The following GPA33 variants were observed in gnomAD, a reference collection of about 807,000 sequenced individuals.
The protein encoded by GPA33 is glycoprotein A33, also known as cell surface A33 antigen.
GPA33 carries 27 observed loss-of-function variants against 35.6 expected under a neutral mutation model. The ratio of observed to expected loss-of-function variants is 0.76; its 90% CI spans 0.56 to 1.04. The LOEUF is 1.04. Among genes scored for constraint, GPA33 ranks in the 50% least tolerant of loss-of-function variants. The pLI, the probability that GPA33 is intolerant of heterozygous loss-of-function variation, is 0.00. For missense variants in GPA33, 428 were observed against 411.9 expected (o/e 1.04, Z -0.34); for synonymous variants, 176 against 164.0 (o/e 1.07, Z -0.56).
In GPA33 at chr1:167,055,740, G is replaced by A. The variant is rs200023773; in HGVS notation, c.681C>T (p.Ala227=). The A allele has an allele frequency of 1.3e-5, 21 of 1,613,984 alleles. No individual in the cohort carries two copies. The highest frequency in any genetic ancestry group is 1.7e-4 in the Middle Eastern group (1 of 6,000). Reference sequence around the variant, plus strand: ...GCAGGCTGCTCTTACGAGATCTGACGGCCACCGTGATGTTGCAGAACTGCG... The same window carrying A: ...GCAGGCTGCTCTTACGAGATCTGACAGCCACCGTGATGTTGCAGAACTGCG... ...EGTQFCNITV[A]VRSPSMNVAL... The change falls in exon 5 of 7, where the codon GCC becomes GCT. Residue 227 remains alanine (A), a synonymous_variant. Transcript: ENST00000367868.
In GPA33 at chr1:167,063,582, C is replaced by G; in HGVS notation, c.571G>C (p.Ala191Pro). 1.2e-6 allele frequency: 2 copies of G among 1,601,634 alleles called. No homozygotes were observed. Among genetic ancestry groups the G allele is most frequent in the Non-Finnish European group, 1.7e-6 (2 of 1,172,170 alleles). The change falls in exon 4 of 7, where the codon GCC (alanine) becomes CCC (proline). Residue 191 changes from alanine to proline, a missense_variant and splice_region_variant. By Grantham distance (27) the Ala-to-Pro change is conservative. Transcript: ENST00000367868. ...LNQEQPLAQP[A>P]SGQPVSLKNI... Reference sequence around the variant, plus strand: ...CCCGCCTTCCCTACTGCCCCCTTACCTGGCTGGGCCAGGGGCTGCTCCTGA... The same window carrying G: ...CCCGCCTTCCCTACTGCCCCCTTACGTGGCTGGGCCAGGGGCTGCTCCTGA...
chr1:167,084,948 TGA>T (rs1019120800), intron 1 of GPA33, among the ~76,000 whole-genome samples: 2 of 152,234 alleles, frequency 1.3e-5, no homozygotes, highest in African/African-American at 4.8e-5. Context: ...TGTCATTTAT[TGA>T]GAGAGAGCTC....
At chr1:167,079,903 T>G (rs1666892454) in intron 1 of GPA33, among the ~76,000 whole-genome samples, 2 of 152,206 alleles carry the variant, frequency 1.3e-5, no homozygotes, top group African/African-American at 4.8e-5. Context: ...TAGCACTGCA[T>G]CCCTCATTTT....
intron 4 of GPA33, among the ~76,000 whole-genome samples, chr1:167,063,323 C>T (rs999625466): frequency 2.0e-5 from 3 of 152,144 alleles, no homozygotes; most frequent in African/African-American, 7.2e-5. Flanking sequence ...GCAGAAGAAT[C>T]GCTTGAACCT....
At chr1:167,072,836 TG>T (rs1244210490) in intron 2 of GPA33, among the ~76,000 whole-genome samples, 1 of 151,772 alleles carries the variant, frequency 6.6e-6, no homozygotes, top group African/African-American at 2.4e-5. Flanking sequence ...CATATATCCA[TG>T]CTCGTATATG....
intron 2 of GPA33, among the ~76,000 whole-genome samples, chr1:167,070,587 G>A (rs982451338): frequency 6.6e-6 from 1 of 152,124 alleles, no homozygotes; most frequent in Non-Finnish European, 1.5e-5. Flanking sequence ...TCGTGTATAT[G>A]GGACTAAACA....
In GPA33 at chr1:167,054,194, G is replaced by T; in HGVS notation, c.*140C>A. On this transcript the variant is annotated 3_prime_UTR_variant, in exon 7 of 7. Coordinates refer to ENST00000367868, the MANE Select transcript of GPA33 (RefSeq NM_005814.3). ...TACCAGGCCAGCCATGTTCCCCACA[G>T]CTGACACTGGGGAAGAAATGTCCCC... 1 of 1,147,504 alleles carries T rather than the reference G, an allele frequency of 8.7e-7. No homozygotes were observed. Among genetic ancestry groups the T allele is most frequent in the Non-Finnish European group, 1.2e-6 (1 of 801,304 alleles). 71.1% of individuals were successfully genotyped at this position (1,147,504 alleles called of 1,614,324 possible). A position where few individuals can be genotyped will look rare whatever the true frequency, so the allele number is the denominator to read the frequency against.
chr1:167,054,603 GA>G, intron 6 of GPA33, 137 bp from the exon 7 acceptor site: 1 of 1,060,154 alleles, frequency 9.4e-7, no homozygotes, highest in Non-Finnish European at 1.4e-6. Context: ...ACACTGGGCT[GA>G]AAGGCTGGGC....
At chr1:167,089,177 C>T (rs776361354) in intron 1 of GPA33, among the ~76,000 whole-genome samples, 16 of 152,178 alleles carry the variant, frequency 1.1e-4, no homozygotes, top group African/African-American at 2.7e-4. Flanking sequence ...GCCCTTCCCT[C>T]GAGAGCCCCA....
chr1:167,080,523 A>G (rs1666904425), intron 1 of GPA33, among the ~76,000 whole-genome samples: 1 of 152,220 alleles, frequency 6.6e-6, no homozygotes, highest in Non-Finnish European at 1.5e-5. Flanking sequence ...CAGCATGGCC[A>G]AGAGCACAAA....
At chr1:167,075,060 C>A (rs2102193869) in intron 1 of GPA33, among the ~76,000 whole-genome samples, 1 of 152,004 alleles carries the variant, frequency 6.6e-6, no homozygotes, top group Non-Finnish European at 1.5e-5. Flanking sequence ...CACCACCACG[C>A]CCAGCTAATT....
At chr1:167,076,938 G>A (rs1001721805) in intron 1 of GPA33, among the ~76,000 whole-genome samples, 1 of 152,206 alleles carries the variant, frequency 6.6e-6, no homozygotes, top group Admixed American at 6.5e-5. Context: ...GGGCGCAGTG[G>A]CTCGTGCCTG....
chr1:167,056,847 A>AT (rs1558002243), intron 4 of GPA33, among the ~76,000 whole-genome samples: 50 of 140,734 alleles, frequency 3.6e-4, no homozygotes, highest in South Asian at 4.6e-4. Context: ...GTGAGTGTGT[A>AT]ATGTGTGTGG....
Position 167,054,303 on chromosome 1 carries a change from C to T in GPA33, c.*31G>A. On this transcript the variant is annotated 3_prime_UTR_variant, in exon 7 of 7. Transcript: ENST00000367868. ...GGAAGCGGGAGAATGAACCCCTAAC[C>T]CTTCCTCCGCCGCCCTCTGCTGCTG... 1 of 1,613,122 alleles carries T rather than the reference C, an allele frequency of 6.2e-7. No homozygotes were observed. Among genetic ancestry groups the T allele is most frequent in the South Asian group, 1.1e-5 (1 of 91,036 alleles).
Position 167,067,869 on chromosome 1 carries a change from G to A in GPA33, c.415+1053C>T, listed in dbSNP as rs929101179. 7.2e-5 allele frequency among the ~76,000 whole-genome samples: 11 copies of A among 152,258 alleles called. No homozygotes were observed. In the South Asian group the frequency reaches 1.2e-3, roughly 17 times the overall value. ...GAAAGAAAGGAAAAGAGAAAAGTAT[G>A]CAAGAGTGTGTGTGTGTTGAAAGGA... On this transcript the variant is annotated intron_variant, in intron 3 of 6. Transcript: ENST00000367868.
chr1:167,061,821 C>T (rs1002113013), intron 4 of GPA33, among the ~76,000 whole-genome samples: 2 of 152,102 alleles, frequency 1.3e-5, no homozygotes, highest in Non-Finnish European at 2.9e-5. Flanking sequence ...CCAGGATGGT[C>T]TCGATCTCCT....
At chr1:167,072,183 C>A (rs1424836126) in intron 2 of GPA33, among the ~76,000 whole-genome samples, 1 of 152,182 alleles carries the variant, frequency 6.6e-6, no homozygotes, top group Admixed American at 6.5e-5. Flanking sequence ...CTAGGCCACC[C>A]CTTCTTTCCT....
chr1:167,081,742 G>T (rs1041245663), intron 1 of GPA33, among the ~76,000 whole-genome samples: 2 of 152,168 alleles, frequency 1.3e-5, no homozygotes, highest in Non-Finnish European at 2.9e-5. Context: ...TGTAGTTCTC[G>T]TGTTGATATG....
intron 1 of GPA33, among the ~76,000 whole-genome samples, chr1:167,088,635 G>A (rs920102057): frequency 6.6e-6 from 1 of 152,226 alleles, no homozygotes; most frequent in African/African-American, 2.4e-5. Context: ...GAAGCAAAAT[G>A]TCCTGCTCCA....
Sources: allele counts gnomAD v4.1 joint callset (sites outside exome capture counted in the v4.1 genomes callset), GRCh38; gene constraint gnomAD v4.1.1; transcripts MANE v1.5; gene names NCBI Gene and HGNC (gene_info 2026-07-23, HGNC 2026-07-21).